ME1: variants seen among roughly 807,000 people sequenced by gnomAD.
The protein encoded by ME1 is NADP-dependent malic enzyme.
In ME1, 74 loss-of-function variants were observed where a neutral mutation model predicts 66.4. That is an observed-to-expected ratio of 1.11 (90% confidence interval 0.92 to 1.35). The LOEUF is 1.35. ME1 is among the 40% of genes most tolerant of loss of function. The pLI is 0.00. For missense variants in ME1, 750 were observed against 694.1 expected, an observed-to-expected ratio of 1.08 and a Z score of -0.90; for synonymous variants, 251 against 235.6, an observed-to-expected ratio of 1.07 and a Z score of -0.60.
rs200499514 is a variant in ME1 at position 83,430,148 on chromosome 6, CA to C, written c.78+728del. Among the ~76,000 whole-genome samples, 11 of 151,808 alleles carry C rather than the reference CA, an allele frequency of 7.2e-5. No homozygotes were observed. In the East Asian group the frequency reaches 1.5e-3, roughly 21 times the overall value. On this transcript the variant is annotated intron_variant, in intron 1 of 13. Transcript: ENST00000369705. ...TTAATAAAAAGAGAGCAGCTCTAAACAAAATTTTTTTTTAACTTCCAGAAAG... is the reference window on the plus strand; with the variant it reads ...TTAATAAAAAGAGAGCAGCTCTAAACAAATTTTTTTTTAACTTCCAGAAAG...
At chr6:83,353,289 G>A (rs1768833434) in intron 3 of ME1, among the ~76,000 whole-genome samples, 1 of 152,120 alleles carries the variant, frequency 6.6e-6, no homozygotes, top group South Asian at 2.1e-4. Flanking sequence ...ATTCCTTTTT[G>A]TGATGTTAGT....
Position 83,211,887 on chromosome 6 carries a change from G to T in ME1, c.*37C>A, listed in dbSNP as rs1461995674. The T allele has an allele frequency of 1.4e-6, 2 of 1,395,096 alleles. No homozygotes were observed. Among genetic ancestry groups the T allele is most frequent in the Non-Finnish European group, 1.9e-6 (2 of 1,041,886 alleles). The allele number at this position is 1,395,096 out of a possible 1,614,324, so 86.4% of individuals were successfully genotyped here. A position where few individuals can be genotyped will look rare whatever the true frequency, so the allele number is the denominator to read the frequency against. ...CTTTAAAAATTATGAAAGGTTTAAA[G>T]ACCTCATTAATAGAGTTAGAAATGT... is the stretch of plus-strand genomic sequence containing the variant. On this transcript the variant is annotated 3_prime_UTR_variant, in exon 14 of 14. Coordinates refer to ENST00000369705, the MANE Select transcript of ME1 (RefSeq NM_002395.6).
rs555735893 is a variant in ME1, at chr6:83,215,860, G to A, written c.1548+638C>T. On this transcript the variant is annotated intron_variant, in intron 13 of 13. Transcript: ENST00000369705. ...ATTTAAAAACAGTTACTACATAACC[G>A]TGGTATGTAGTTATCCCAGCCCAAG... Among the ~76,000 whole-genome samples the A allele has an allele frequency of 3.3e-5, 5 of 152,168 alleles. No individual in the cohort carries two copies. In the South Asian group the frequency reaches 8.3e-4, roughly 25 times the overall value.
chr6:83,426,231 G>A (rs1420820235), intron 1 of ME1, among the ~76,000 whole-genome samples: 2 of 152,132 alleles, frequency 1.3e-5, no homozygotes, highest in African/African-American at 4.8e-5. Context: ...AAAAGTTAGA[G>A]GGAAATCAGA....
intron 6 of ME1, among the ~76,000 whole-genome samples, chr6:83,304,614 C>A (rs1451942862): frequency 6.6e-6 from 1 of 152,162 alleles, no homozygotes; most frequent in Non-Finnish European, 1.5e-5. Context: ...GGGTCACCAT[C>A]TGTGGATACC....
chr6:83,398,236 C>T, intron 3 of ME1, 131 bp downstream of exon 3: 1 of 614,028 alleles, frequency 1.6e-6, no homozygotes, highest in Non-Finnish European at 2.7e-6. Flanking sequence ...TTCAGAACAT[C>T]CTCTGTACAT....
intron 1 of ME1, among the ~76,000 whole-genome samples, chr6:83,410,878 C>T (rs1770037369): frequency 6.6e-6 from 1 of 152,162 alleles, no homozygotes; most frequent in South Asian, 2.1e-4. Context: ...TTCTCCATAT[C>T]TTATGCCATG....
chr6:83,333,272 A>C (rs1768451734), intron 5 of ME1, among the ~76,000 whole-genome samples: 3 of 152,324 alleles, frequency 2.0e-5, no homozygotes, highest in South Asian at 4.2e-4. Context: ...AGATTCAAAA[A>C]AGCAATTAAG....
At chr6:83,334,135 G>T (rs1030019297) in intron 5 of ME1, among the ~76,000 whole-genome samples, 1 of 152,082 alleles carries the variant, frequency 6.6e-6, no homozygotes, top group Non-Finnish European at 1.5e-5. Flanking sequence ...GAAGCAGGTC[G>T]AGGCATTGCC....
chr6:83,358,213 G>A lies in ME1; in HGVS notation c.363-6074C>T, dbSNP rs149127655. Reference sequence around the variant, plus strand: ...ATGGAAAACACTCATAGTCCTTGGCGTGAACTGTTTACAGAGTTATGCAAA... The same window carrying A: ...ATGGAAAACACTCATAGTCCTTGGCATGAACTGTTTACAGAGTTATGCAAA... On this transcript the variant is annotated intron_variant, in intron 3 of 13. Coordinates refer to ENST00000369705, the MANE Select transcript of ME1 (RefSeq NM_002395.6). Among the ~76,000 whole-genome samples, 685 of 151,764 alleles carry A rather than the reference G, an allele frequency of 4.5e-3. 3 individuals carry two copies. Among genetic ancestry groups the A allele is most frequent in the Non-Finnish European group, 7.4e-3 (504 of 67,950 alleles).
chr6:83,298,308 A>T (rs1397095015), intron 6 of ME1, among the ~76,000 whole-genome samples: 2 of 152,150 alleles, frequency 1.3e-5, no homozygotes, highest in African/African-American at 2.4e-5. Context: ...TTTCTCTAAC[A>T]ATCAGTGATG....
intron 3 of ME1, among the ~76,000 whole-genome samples, chr6:83,363,181 G>T (rs945208571): frequency 6.6e-6 from 1 of 152,128 alleles, no homozygotes; most frequent in Non-Finnish European, 1.5e-5. Flanking sequence ...TTTGCTTCCT[G>T]TTCCCACAAG....
chr6:83,377,967 G>A (rs1281094035), intron 3 of ME1, among the ~76,000 whole-genome samples: 1 of 151,984 alleles, frequency 6.6e-6, no homozygotes, highest in Non-Finnish European at 1.5e-5. Flanking sequence ...AAAATGAGAG[G>A]AACCACAGAG....
intron 3 of ME1, among the ~76,000 whole-genome samples, chr6:83,389,523 A>G (rs1016015956): frequency 6.6e-6 from 1 of 152,200 alleles, no homozygotes; most frequent in Non-Finnish European, 1.5e-5. Context: ...TATCAAAAGT[A>G]GGAACATGAA....
intron 9 of ME1, chr6:83,229,210 G>A: frequency 2.0e-6 from 1 of 492,018 alleles, no homozygotes; most frequent in African/African-American, 2.0e-5. Flanking sequence ...AGACATGTGA[G>A]AACTAGCATT....
intron 3 of ME1, among the ~76,000 whole-genome samples, chr6:83,364,603 C>A (rs1440445726): frequency 6.6e-6 from 1 of 152,160 alleles, no homozygotes; most frequent in East Asian, 1.9e-4. Flanking sequence ...CATGTGCTCA[C>A]TGATCCAGGT....
intron 7 of ME1, among the ~76,000 whole-genome samples, chr6:83,245,021 G>A (rs1199212495): frequency 1.3e-5 from 2 of 152,116 alleles, no homozygotes; most frequent in African/African-American, 4.8e-5. Flanking sequence ...TGGCATGCAT[G>A]TCAGGGCTGA....
intron 1 of ME1, among the ~76,000 whole-genome samples, chr6:83,424,590 C>A (rs1770333566): frequency 6.6e-6 from 1 of 152,068 alleles, no homozygotes; most frequent in Non-Finnish European, 1.5e-5. Context: ...TACAAGCAAA[C>A]CTGACTGATT....
chr6:83,294,882 C>A (rs1259119047), intron 6 of ME1, among the ~76,000 whole-genome samples: 1 of 152,154 alleles, frequency 6.6e-6, no homozygotes, highest in African/African-American at 2.4e-5. Flanking sequence ...AAGTGAGAGA[C>A]CCTCAGCCAC....
Sources: gnomAD v4.1 joint callset for allele counts (sites outside exome capture counted in the v4.1 genomes callset) on GRCh38, gnomAD v4.1.1 for gene constraint, MANE v1.5 for transcripts, NCBI Gene and HGNC (gene_info 2026-07-23, HGNC 2026-07-21) for gene names.